The following RGS6 variants were observed in gnomAD, a reference collection of about 807,000 sequenced individuals.
The protein encoded by RGS6 is regulator of G-protein signaling 6.
Under a neutral mutation model 78.5 loss-of-function variants are expected in RGS6, and 30 were observed. The observed-to-expected ratio is 0.38, with a 90% CI of 0.29 to 0.52. The LOEUF (loss-of-function observed/expected upper bound fraction) is 0.52. Ranked by LOEUF, RGS6 falls within the 20% of genes least tolerant of loss-of-function variation. The pLI is 0.85. For synonymous variants in RGS6, 206 were observed against 206.0 expected (o/e 1.00, Z 0.00); for missense variants, 495 against 609.7 (o/e 0.81, Z 1.98).
chr14:72,219,359 A>G (rs560741626), intron 2 of RGS6, among the ~76,000 whole-genome samples: 16 of 152,294 alleles, frequency 1.1e-4, no homozygotes, highest in African/African-American at 3.8e-4. Flanking sequence ...TTGACTGTAT[A>G]TTCCCACCAG....
At chr14:72,308,194 T>A (rs1365342861) in intron 2 of RGS6, among the ~76,000 whole-genome samples, 1 of 152,206 alleles carries the variant, frequency 6.6e-6, no homozygotes, top group Non-Finnish European at 1.5e-5. Flanking sequence ...TTCAGAACGA[T>A]GCTGAGTAAA....
chr14:72,490,189 A>G (rs555290212), intron 12 of RGS6, among the ~76,000 whole-genome samples: 1 of 152,284 alleles, frequency 6.6e-6, no homozygotes, highest in East Asian at 1.9e-4. Context: ...TGCTGTTCCC[A>G]TGATAGTGAA....
intron 3 of RGS6, among the ~76,000 whole-genome samples, chr14:72,412,988 C>T (rs1294821926): frequency 6.6e-6 from 1 of 152,144 alleles, no homozygotes; most frequent in African/African-American, 2.4e-5. Context: ...TTACTTCCAA[C>T]TATGTGGTCA....
intron 2 of RGS6, among the ~76,000 whole-genome samples, chr14:72,289,774 T>C (rs187604956): frequency 7.9e-5 from 12 of 152,318 alleles, no homozygotes; most frequent in Admixed American, 3.9e-4. Context: ...CTCACATACT[T>C]ACAAAACTTA....
the RGS6 span, among the ~76,000 whole-genome samples, chr14:71,885,909 T>C: frequency 6.6e-6 from 1 of 151,576 alleles, no homozygotes; most frequent in East Asian, 1.9e-4. Flanking sequence ...CCTTCTTTCC[T>C]TCTTTCTTCT....
chr14:72,189,507 G>A (rs1484493943), intron 2 of RGS6, among the ~76,000 whole-genome samples: 1 of 152,202 alleles, frequency 6.6e-6, no homozygotes, highest in Non-Finnish European at 1.5e-5. Context: ...CAGGCACGAA[G>A]TTTAGGGAAG....
At chr14:72,605,315 G>A in the RGS6 span, among the ~76,000 whole-genome samples, 1 of 152,236 alleles carries the variant, frequency 6.6e-6, no homozygotes. Flanking sequence ...GGATGGGAAT[G>A]AGCCAGGCTT....
intron 2 of RGS6, among the ~76,000 whole-genome samples, chr14:72,111,364 T>C (rs898951197): frequency 6.6e-6 from 1 of 152,170 alleles, no homozygotes; most frequent in Non-Finnish European, 1.5e-5. Context: ...ATTTAACTGG[T>C]GAATGGCCAT....
At chr14:72,231,390 GTTTA>G (rs778801438) in intron 2 of RGS6, among the ~76,000 whole-genome samples, 6 of 152,206 alleles carry the variant, frequency 3.9e-5, no homozygotes, top group African/African-American at 7.2e-5. Context: ...GTATATTGGA[GTTTA>G]TTTATTTACT....
intron 3 of RGS6, among the ~76,000 whole-genome samples, chr14:72,404,894 C>G (rs10144670): frequency 6.6e-6 from 1 of 152,048 alleles, no homozygotes; most frequent in African/African-American, 2.4e-5. Context: ...CAGTTTCTCC[C>G]TAGGAGAGTG....
chr14:71,998,786 G>T (rs566701440), intron 2 of RGS6, among the ~76,000 whole-genome samples: 64 of 152,326 alleles, frequency 4.2e-4, no homozygotes, highest in African/African-American at 1.5e-3. Flanking sequence ...AATGGAGCTA[G>T]AGAAGGGGTC....
chr14:72,490,161 T>C (rs2096558798), intron 12 of RGS6, among the ~76,000 whole-genome samples: 2 of 152,190 alleles, frequency 1.3e-5, no homozygotes, highest in Admixed American at 6.5e-5. Context: ...AATTGAATCA[T>C]GGGGCAGGTC....
chr14:72,092,643 A>G (rs1489122741), intron 2 of RGS6, among the ~76,000 whole-genome samples: 2 of 152,168 alleles, frequency 1.3e-5, no homozygotes, highest in East Asian at 1.9e-4. Context: ...CAGCCCCCCA[A>G]ATTGCTGGGA....
At chr14:72,447,044 T>A (rs2095383212) in intron 3 of RGS6, among the ~76,000 whole-genome samples, 1 of 151,050 alleles carries the variant, frequency 6.6e-6, no homozygotes, top group African/African-American at 2.4e-5. Context: ...GAGGAAGAGG[T>A]GGGAGGAGGA....
chr14:72,320,073 C>T (rs534318583), intron 2 of RGS6, among the ~76,000 whole-genome samples: 1 of 152,142 alleles, frequency 6.6e-6, no homozygotes, highest in Admixed American at 6.5e-5. Flanking sequence ...TATACAAGAC[C>T]ACAGTTTAAA....
chr14:72,203,816 TCTTTC>T (rs1443306812), intron 2 of RGS6, among the ~76,000 whole-genome samples: 18 of 120,660 alleles, frequency 1.5e-4, no homozygotes, highest in African/African-American at 5.4e-4. Context: ...AACCTTTCTT[TCTTTC>T]TTTTTTTTTT....
At chr14:72,436,572 G>A (rs537049649) in intron 3 of RGS6, among the ~76,000 whole-genome samples, 22 of 152,222 alleles carry the variant, frequency 1.4e-4, no homozygotes, top group African/African-American at 3.6e-4. Context: ...CTTACTCCCC[G>A]GAGAATCAGG....
At chr14:72,226,830 C>G (rs536071597) in intron 2 of RGS6, among the ~76,000 whole-genome samples, 1 of 152,268 alleles carries the variant, frequency 6.6e-6, no homozygotes, top group African/African-American at 2.4e-5. Flanking sequence ...AGCCTCCAGG[C>G]GCATTCCACC....
At position 72,224,275 on chromosome 14, in the gene RGS6, C is replaced by A. The variant is rs576224846; in HGVS notation, c.85-127820C>A. On this transcript the variant is annotated intron_variant, in intron 2 of 17. Coordinates refer to ENST00000553525, the MANE Select transcript of RGS6 (RefSeq NM_001204424.2). ...CTCTACAAAAAAGTGCAAAAATTAG[C>A]CAGGTGTGGTGGCATGCACCCAGTC... is the stretch of plus-strand genomic sequence containing the variant. Among the ~76,000 whole-genome samples, 42 of 152,156 alleles carry A rather than the reference C, an allele frequency of 2.8e-4. 1 individual carries two copies. In the South Asian group the frequency reaches 8.5e-3, roughly 31 times the overall value.
Sources: allele counts gnomAD v4.1 joint callset (sites outside exome capture counted in the v4.1 genomes callset), GRCh38; gene constraint gnomAD v4.1.1; transcripts MANE v1.5; gene names NCBI Gene and HGNC (gene_info 2026-07-23, HGNC 2026-07-21).